Variants in FAM219A observed in about 807,000 individuals in gnomAD.
FAM219A encodes family with sequence similarity 219 member A, also known as protein FAM219A.
In FAM219A, 7 loss-of-function variants were observed where a neutral mutation model predicts 23.4. The ratio of observed to expected loss-of-function variants is 0.30; its 90% CI spans 0.17 to 0.56. The LOEUF is 0.56. Ranked by LOEUF, FAM219A falls within the 20% of genes least tolerant of loss-of-function variation. The pLI is 0.92. For missense variants in FAM219A, 166 were observed against 246.9 expected (o/e 0.67, Z 2.20); for synonymous variants, 93 against 99.0 (o/e 0.94, Z 0.36).
chr9:34,439,504 T>TA (rs1564014392), intron 1 of FAM219A, among the ~76,000 whole-genome samples: 3 of 152,128 alleles, frequency 2.0e-5, no homozygotes, highest in African/African-American at 4.8e-5. Context: ...TTTACATACT[T>TA]ACGTAAAATT....
In FAM219A at chr9:34,400,372, T is replaced by G. The variant is rs887466940; in HGVS notation, c.*592A>C. ...TGGGGCAAGAGGAGGAAGAAGGCAG[T>G]GATCCGATGGGTGAGGGGCACTACC... is the stretch of plus-strand genomic sequence containing the variant. On this transcript the variant is annotated 3_prime_UTR_variant, in exon 6 of 6. Transcript: ENST00000651358. The G allele has an allele frequency of 6.6e-6, 1 of 152,364 alleles. No individual in the cohort carries two copies. The highest frequency in any genetic ancestry group is 2.4e-5 in the African/African-American group (1 of 41,422). The allele number at this position is 152,364 out of a possible 1,614,324, so 9.4% of individuals were successfully genotyped here.
intron 1 of FAM219A, among the ~76,000 whole-genome samples, chr9:34,412,112 G>T (rs1821844640): frequency 6.6e-6 from 1 of 152,158 alleles, no homozygotes; most frequent in Admixed American, 6.5e-5. Context: ...AACATGGTCA[G>T]ATTTGAGATG....
At chr9:34,447,748 T>C (rs1823422799) in intron 1 of FAM219A, among the ~76,000 whole-genome samples, 1 of 152,242 alleles carries the variant, frequency 6.6e-6, no homozygotes, top group Non-Finnish European at 1.5e-5. Context: ...CCCTCTTATC[T>C]GCTCAGCAGA....
Position 34,401,604 on chromosome 9 carries a change from T to G in FAM219A, c.399+62A>C. The G allele has an allele frequency of 3.2e-6, 5 of 1,563,628 alleles. No homozygotes were observed. The South Asian group carries it at 5.8e-5, about 18-fold the overall frequency. On this transcript the variant is annotated intron_variant, in intron 5 of 5. Transcript: ENST00000651358. ...TGTACTTGGGCATTGGCCCCAGCCC[T>G]CCCCCGGGATGGCAGTGATCCTGCC...
intron 1 of FAM219A, among the ~76,000 whole-genome samples, chr9:34,424,184 TATGA>T (rs1434955619): frequency 6.6e-6 from 1 of 152,056 alleles, no homozygotes; most frequent in African/African-American, 2.4e-5. Context: ...GGGGCTCTTG[TATGA>T]CAAGAGAGAC....
At chr9:34,428,870 T>C (rs1285827480) in intron 1 of FAM219A, among the ~76,000 whole-genome samples, 2 of 152,372 alleles carry the variant, frequency 1.3e-5, no homozygotes, top group South Asian at 4.1e-4. Flanking sequence ...AGTAAGGGCC[T>C]CTGCTGGAAG....
chr9:34,429,325 C>T (rs1211648777), intron 1 of FAM219A, among the ~76,000 whole-genome samples: 2 of 152,154 alleles, frequency 1.3e-5, no homozygotes, highest in African/African-American at 4.8e-5. Context: ...AGGAAGAGGG[C>T]CTTGCACAAA....
At chr9:34,446,004 C>G (rs1823355784) in intron 1 of FAM219A, among the ~76,000 whole-genome samples, 1 of 152,056 alleles carries the variant, frequency 6.6e-6, no homozygotes. Flanking sequence ...GTGAAACCAT[C>G]TCTACTAAAA....
At chr9:34,403,949 T>C (rs1588030563) in intron 2 of FAM219A, among the ~76,000 whole-genome samples, 1 of 152,180 alleles carries the variant, frequency 6.6e-6, no homozygotes. Context: ...TTCCAGCAGG[T>C]GGCAGCTGCC....
At chr9:34,438,329 G>A (rs1204255425) in intron 1 of FAM219A, among the ~76,000 whole-genome samples, 1 of 152,222 alleles carries the variant, frequency 6.6e-6, no homozygotes, top group Non-Finnish European at 1.5e-5. Context: ...TGAGGAGTGC[G>A]GGCGCATGGC....
At chr9:34,431,764 G>A (rs1822714431) in intron 1 of FAM219A, among the ~76,000 whole-genome samples, 1 of 152,128 alleles carries the variant, frequency 6.6e-6, no homozygotes, top group East Asian at 1.9e-4. Context: ...CATAGTCACT[G>A]TAAAAAGTCC....
intron 1 of FAM219A, among the ~76,000 whole-genome samples, chr9:34,418,827 TG>T (rs1564004829): frequency 6.6e-6 from 1 of 152,168 alleles, no homozygotes; most frequent in Admixed American, 6.5e-5. Context: ...CCCAGCACTT[TG>T]GGAGGCCGAG....
intron 1 of FAM219A, among the ~76,000 whole-genome samples, chr9:34,438,590 C>T (rs996445364): frequency 1.3e-5 from 2 of 152,092 alleles, no homozygotes; most frequent in Non-Finnish European, 2.9e-5. Context: ...ATACACCAAT[C>T]GGCACTCTGT....
chr9:34,439,242 G>A (rs891424680), intron 1 of FAM219A, among the ~76,000 whole-genome samples: 2 of 152,246 alleles, frequency 1.3e-5, no homozygotes, highest in Non-Finnish European at 2.9e-5. Flanking sequence ...GTGAGACCAA[G>A]AACCCACCAA....
rs574618255 is a variant in FAM219A at position 34,450,867 on chromosome 9, C to T, written c.60+7337G>A. Among the ~76,000 whole-genome samples, 3 of 152,284 alleles carry T rather than the reference C, an allele frequency of 2.0e-5. No individual in the cohort carries two copies. In the East Asian group the frequency reaches 5.8e-4, roughly 29 times the overall value. On this transcript the variant is annotated intron_variant, in intron 1 of 5. Coordinates refer to ENST00000651358, the MANE Select transcript of FAM219A (RefSeq NM_001184940.2). ...TCTTGTTTCTGCCTGGGTGTGGCCT[C>T]TTGTCATATGTTTAGACTTAGGGCT... is the stretch of plus-strand genomic sequence containing the variant.
At chr9:34,442,154 G>C in intron 1 of FAM219A, among the ~76,000 whole-genome samples, 1 of 152,140 alleles carries the variant, frequency 6.6e-6, no homozygotes, top group Admixed American at 6.5e-5. Context: ...ACCTCAGAAG[G>C]ATTCTTTACA....
At chr9:34,436,614 G>A (rs1309466528) in intron 1 of FAM219A, among the ~76,000 whole-genome samples, 1 of 152,204 alleles carries the variant, frequency 6.6e-6, no homozygotes, top group Non-Finnish European at 1.5e-5. Flanking sequence ...CCTAGAAGTA[G>A]AATAGCTGAG....
In FAM219A at chr9:34,432,348, C is replaced by A. The variant is rs190100298; in HGVS notation, c.60+25856G>T. 2.0e-5 allele frequency among the ~76,000 whole-genome samples: 3 copies of A among 152,368 alleles called. No homozygotes were observed. In the East Asian group the frequency reaches 5.8e-4, roughly 29 times the overall value. ...CTCTTCCTACCTGCTCTACTTAACA[C>A]TGTTCTCCCTGCAGTCAGCACTGAG... On this transcript the variant is annotated intron_variant, in intron 1 of 5. Coordinates refer to ENST00000651358, the MANE Select transcript of FAM219A (RefSeq NM_001184940.2).
chr9:34,442,679 C>T (rs923707683), intron 1 of FAM219A, among the ~76,000 whole-genome samples: 4 of 126,310 alleles, frequency 3.2e-5, no homozygotes, highest in Admixed American at 8.3e-5. Context: ...AGACAGACTC[C>T]GTCTCAAAAA....
Sources: allele counts gnomAD v4.1 joint callset (sites outside exome capture counted in the v4.1 genomes callset), GRCh38; gene constraint gnomAD v4.1.1; transcripts MANE v1.5; gene names NCBI Gene and HGNC (gene_info 2026-07-23, HGNC 2026-07-21).